TRIM24: variants seen among roughly 807,000 people sequenced by gnomAD.
TRIM24 encodes transcription intermediary factor 1-alpha.
TRIM24 carries 29 observed loss-of-function variants against 123.9 expected under a neutral mutation model. That is an observed-to-expected ratio of 0.23 (90% CI 0.17 to 0.32). The LOEUF (loss-of-function observed/expected upper bound fraction) is 0.32, where lower values mean the gene tolerates loss of function less well. Ranked by LOEUF, TRIM24 falls within the 10% of genes least tolerant of loss-of-function variation. TRIM24 has a pLI of 1.00. For synonymous variants in TRIM24, 456 were observed against 461.1 expected (o/e 0.99, Z 0.14); for missense variants, 932 against 1,295.3 (o/e 0.72, Z 4.31).
At chr7:138,551,402 C>G (rs1797209169) in intron 8 of TRIM24, among the ~76,000 whole-genome samples, 1 of 152,120 alleles carries the variant, frequency 6.6e-6, no homozygotes, top group Admixed American at 6.5e-5. Context: ...TCTAAGTTAG[C>G]TAAGGGTAGT....
At chr7:138,542,718 A>C (rs769585179) in intron 7 of TRIM24, among the ~76,000 whole-genome samples, 6 of 152,252 alleles carry the variant, frequency 3.9e-5, no homozygotes, top group Non-Finnish European at 8.8e-5. Context: ...CTATTCCAAA[A>C]AATGGAAGTC....
At chr7:138,508,692 T>TGTGTGTGTGTGTGTGTGCGCGCGCGC (rs1422176564) in intron 2 of TRIM24, among the ~76,000 whole-genome samples, 6 of 137,212 alleles carry the variant, frequency 4.4e-5, no homozygotes, top group African/African-American at 1.4e-4. Context: ...TGTGTGTGTG[T>TGTGTGTGTGTGTGTGTGCGCGCGCGC]GCGCGCGCGT....
chr7:138,568,388 T>G (rs1225563571), intron 10 of TRIM24, among the ~76,000 whole-genome samples: 3 of 131,426 alleles, frequency 2.3e-5, no homozygotes, highest in Non-Finnish European at 3.2e-5. Context: ...CCTTTTTTTT[T>G]TTTTTTTTTT....
At position 138,538,751 on chromosome 7, in the gene TRIM24, A is replaced by G. The variant is rs532418582; in HGVS notation, c.1091A>G (p.Lys364Arg). The G allele has an allele frequency of 6.2e-7, 1 of 1,614,112 alleles. No homozygotes were observed. Among genetic ancestry groups the G allele is most frequent in the Non-Finnish European group, 8.5e-7 (1 of 1,180,010 alleles). The change falls in exon 7 of 19, where the codon AAA becomes AGA. Residue 364 changes from lysine (K) to arginine (R), a missense_variant. Coordinates refer to ENST00000343526, the MANE Select transcript of TRIM24 (RefSeq NM_015905.3). Reference protein sequence around the residue: ...KQLEHVMHFSKWAVSSGSSTA... With the variant: ...KQLEHVMHFSRWAVSSGSSTA... ...TTGGAGCATGTCATGCATTTTTCTA[A>G]ATGGGCAGTTTCCAGTGGCAGCAGT...
At chr7:138,547,177 C>G (rs113269374) in intron 7 of TRIM24, among the ~76,000 whole-genome samples, 1 of 152,084 alleles carries the variant, frequency 6.6e-6, no homozygotes, top group East Asian at 1.9e-4. Flanking sequence ...CATGATCTCA[C>G]TTATACGTGG....
intron 2 of TRIM24, 65 bp downstream of exon 2, chr7:138,504,473 T>TTTTAAA: frequency 1.1e-6 from 1 of 919,420 alleles, no homozygotes; most frequent in Non-Finnish European, 1.6e-6. Context: ...TTTTTTTTTT[T>TTTTAAA]GAGACAGAGT....
At position 138,538,527 on chromosome 7, in the gene TRIM24, A is replaced by G. The variant is rs79083147; in HGVS notation, c.997-130A>G. 5.0e-3 allele frequency: 5,266 copies of G among 1,046,292 alleles called. 130 individuals carry two copies. The highest frequency in any genetic ancestry group is 2.7e-3 in the Non-Finnish European group (1,940 of 729,746). 64.8% of individuals were successfully genotyped at this position (1,046,292 alleles called of 1,614,324 possible). A position where few individuals can be genotyped will look rare whatever the true frequency, so the allele number is the denominator to read the frequency against. ...GATCCTTTATACTAATAGGGAAAAC[A>G]GAGTATTTTTAGTTTCAGTAAATTG... On this transcript the variant is annotated intron_variant, in intron 6 of 18. Transcript: ENST00000343526.
At chr7:138,524,597 CTT>C (rs1481657141) in intron 4 of TRIM24, among the ~76,000 whole-genome samples, 2 of 152,040 alleles carry the variant, frequency 1.3e-5, no homozygotes, top group African/African-American at 4.8e-5. Context: ...TATAGAAAAA[CTT>C]AAATAAAATT....
At chr7:138,513,711 A>G (rs555047581) in intron 2 of TRIM24, among the ~76,000 whole-genome samples, 1 of 152,336 alleles carries the variant, frequency 6.6e-6, no homozygotes, top group African/African-American at 2.4e-5. Flanking sequence ...ACAGTTCAGC[A>G]TGAGATTTGG....
rs763837547 is a variant in TRIM24 at position 138,584,971 on chromosome 7, G to A, written c.*20G>A. The A allele has an allele frequency of 6.4e-7, 1 of 1,560,338 alleles. No individual in the cohort carries two copies. Among genetic ancestry groups the A allele is most frequent in the South Asian group, 1.2e-5 (1 of 81,844 alleles). On this transcript the variant is annotated 3_prime_UTR_variant, in exon 19 of 19. Coordinates refer to ENST00000343526, the MANE Select transcript of TRIM24 (RefSeq NM_015905.3). Reference sequence around the variant, plus strand: ...AAATAATATGCAGCACCACTAGCTTGTGCTGGTTTTTAGATTTTTTTGTTT... The same window carrying A: ...AAATAATATGCAGCACCACTAGCTTATGCTGGTTTTTAGATTTTTTTGTTT...
chr7:138,514,289 T>C (rs1796349063), intron 2 of TRIM24: 1 of 152,260 alleles, frequency 6.6e-6, no homozygotes, highest in African/African-American at 2.4e-5. Flanking sequence ...ACAGAAACAC[T>C]TGCTCCTTTT....
chr7:138,564,846 A>T (rs1471534574), intron 9 of TRIM24, among the ~76,000 whole-genome samples: 1 of 152,160 alleles, frequency 6.6e-6, no homozygotes, highest in African/African-American at 2.4e-5. Context: ...AAAATTCTTT[A>T]ACATACATTG....
chr7:138,587,835 T>C lies in TRIM24; in HGVS notation c.*2884T>C, dbSNP rs1380962447. 1 of 152,226 alleles carries C rather than the reference T, an allele frequency of 6.6e-6. No individual in the cohort carries two copies. The highest frequency in any genetic ancestry group is 6.5e-5 in the Admixed American group (1 of 15,276). The allele number at this position is 152,226 out of a possible 1,614,324, so 9.4% of individuals were successfully genotyped here. A position where few individuals can be genotyped will look rare whatever the true frequency, so the allele number is the denominator to read the frequency against. On this transcript the variant is annotated 3_prime_UTR_variant, in exon 19 of 19. Transcript: ENST00000343526. Reference sequence around the variant, plus strand: ...CCAAGTACTTGACCAGTGATATATATGGCCATGGCAAAAGTATAAATGGAT... The same window carrying C: ...CCAAGTACTTGACCAGTGATATATACGGCCATGGCAAAAGTATAAATGGAT...
chr7:138,545,013 G>A (rs1032429572), intron 7 of TRIM24, among the ~76,000 whole-genome samples: 3 of 152,020 alleles, frequency 2.0e-5, no homozygotes, highest in Non-Finnish European at 2.9e-5. Flanking sequence ...ACACACCTTG[G>A]ATTCATGCAC....
intron 1 of TRIM24, among the ~76,000 whole-genome samples, chr7:138,495,035 A>G (rs1401309003): frequency 2.0e-5 from 3 of 152,204 alleles, no homozygotes; most frequent in Admixed American, 6.5e-5. Context: ...AGTGAAAACA[A>G]CAGCAACAAC....
At chr7:138,516,809 TTTTG>T (rs903367902) in intron 3 of TRIM24, among the ~76,000 whole-genome samples, 11 of 130,060 alleles carry the variant, frequency 8.5e-5, no homozygotes, top group African/African-American at 3.2e-4. Flanking sequence ...AGCAAAACCG[TTTTG>T]TTTTTTTTTT....
At chr7:138,575,914 C>A (rs1797747832) in intron 12 of TRIM24, among the ~76,000 whole-genome samples, 1 of 152,098 alleles carries the variant, frequency 6.6e-6, no homozygotes, top group Non-Finnish European at 1.5e-5. Flanking sequence ...TTTTTGAACT[C>A]CTTTTCTATC....
intron 2 of TRIM24, among the ~76,000 whole-genome samples, chr7:138,511,993 C>A (rs1369616400): frequency 6.6e-6 from 1 of 152,212 alleles, no homozygotes; most frequent in Non-Finnish European, 1.5e-5. Flanking sequence ...TGGGTAAATA[C>A]TCCCATTCCA....
rs139897180 is a variant in TRIM24 at position 138,544,465 on chromosome 7, T to A, written c.1143+5662T>A. ...CTATCTTGGCCATTGTGAATAATGC[T>A]GCAATGACATGGGAGTGTAGATATC... is the stretch of plus-strand genomic sequence containing the variant. On this transcript the variant is annotated intron_variant, in intron 7 of 18. Transcript: ENST00000343526. Among the ~76,000 whole-genome samples the A allele has an allele frequency of 1.0e-3, 152 of 152,374 alleles. 1 individual carries two copies. In the East Asian group the frequency reaches 0.027, roughly 27 times the overall value.
Sources: gnomAD v4.1 joint callset for allele counts (sites outside exome capture counted in the v4.1 genomes callset) on GRCh38, gnomAD v4.1.1 for gene constraint, MANE v1.5 for transcripts, NCBI Gene and HGNC (gene_info 2026-07-23, HGNC 2026-07-21) for gene names.